The following TSEN15 variants were observed in gnomAD, a reference collection of about 807,000 sequenced individuals.
The protein encoded by TSEN15 is tRNA splicing endonuclease subunit 15, also known as tRNA-splicing endonuclease subunit Sen15.
A neutral mutation model predicts 20.5 loss-of-function variants in TSEN15; 10 were observed. That is an observed-to-expected ratio of 0.49 (90% confidence interval 0.30 to 0.83). The LOEUF is 0.83. Among genes scored for constraint, TSEN15 ranks in the 40% least tolerant of loss-of-function variants. The pLI is 0.06. For missense variants in TSEN15, 180 were observed against 218.6 expected, an observed-to-expected ratio of 0.82 and a Z score of 1.11; for synonymous variants, 72 against 80.1, an observed-to-expected ratio of 0.90 and a Z score of 0.54.
intron 3 of TSEN15, among the ~76,000 whole-genome samples, chr1:184,083,835 C>G (rs1322867945): frequency 6.6e-6 from 1 of 152,136 alleles, no homozygotes; most frequent in Non-Finnish European, 1.5e-5. Context: ...CCCTCTAGCT[C>G]TTTATTTTGG....
At chr1:184,057,880 C>T (rs144374093) in intron 3 of TSEN15, among the ~76,000 whole-genome samples, 3 of 152,114 alleles carry the variant, frequency 2.0e-5, no homozygotes, top group Non-Finnish European at 2.9e-5. Context: ...TAGTACTTTC[C>T]GGTTTTTACT....
downstream of TSEN15, among the ~76,000 whole-genome samples, chr1:184,075,843 A>G (rs1404109746): frequency 6.6e-6 from 1 of 151,496 alleles, no homozygotes; most frequent in Admixed American, 6.6e-5. Flanking sequence ...ATGTAGATCT[A>G]TATTTAGAAA....
intron 3 of TSEN15, among the ~76,000 whole-genome samples, chr1:184,083,813 C>T (rs1012680334): frequency 3.3e-5 from 5 of 152,184 alleles, no homozygotes; most frequent in African/African-American, 1.2e-4. Flanking sequence ...GGTGCAGATA[C>T]TATCTGTGAT....
At position 184,072,248 on chromosome 1, in the gene TSEN15, A is replaced by G. The variant is rs1266733785; in HGVS notation, c.445A>G (p.Thr149Ala). 1 of 1,613,568 alleles carries G rather than the reference A, an allele frequency of 6.2e-7. No homozygotes were observed. Among genetic ancestry groups the G allele is most frequent in the Non-Finnish European group, 8.5e-7 (1 of 1,179,698 alleles). The change falls in exon 4 of 5, where the codon ACA becomes GCA. Residue 149 changes from threonine to alanine, a missense_variant. By Grantham distance (58) the Thr-to-Ala change is moderately conservative. Around this residue, in one of 3 missense-constraint regions of TSEN15, gnomAD observed 28 missense variants for 28.7 expected, o/e 0.98. Coordinates refer to ENST00000645668, the MANE Select transcript of TSEN15 (RefSeq NM_052965.4). ...TTTGGCCATAGTGGAGTCTGATTCT[A>G]CAATAGTCTATTATAAACTTACTGA... ...FTLAIVESDS[T>A]IVYYKLTDGF...
At chr1:184,095,936 A>G (rs1007135233) in exon 4 of TSEN15, 1 of 390,698 alleles carries the variant, frequency 2.6e-6, no homozygotes, top group African/African-American at 2.1e-5. Flanking sequence ...AGATTCATTA[A>G]TTGTAATAAT....
At chr1:184,074,250 A>C (rs185724187), downstream of TSEN15, 202 of 152,324 alleles carry the variant, frequency 1.3e-3, 1 homozygote, top group African/African-American at 4.7e-3. Flanking sequence ...TATCATTGCA[A>C]AATAATATTA....
At chr1:184,091,621 C>T (rs1651359778) in intron 3 of TSEN15, among the ~76,000 whole-genome samples, 1 of 151,972 alleles carries the variant, frequency 6.6e-6, no homozygotes, top group Non-Finnish European at 1.5e-5. Context: ...TGTGTCACTC[C>T]TGGGGTAAAG....
At position 184,054,762 on chromosome 1, in the gene TSEN15, A is replaced by G; in HGVS notation, c.252A>G (p.Leu84=). The change falls in exon 3 of 5, where the codon TTA becomes TTG. Residue 84 remains leucine (L), a synonymous_variant. Transcript: ENST00000645668. ...GGCATGAAGTAAACTGTGTAGGATT[A>G]CCAGAACTCCAGCTCATCTGCCTTG... ...KSWHEVNCVG[L]PELQLICLVG... is the part of the protein sequence containing the mutation. The G allele has an allele frequency of 6.2e-7, 1 of 1,612,358 alleles. No homozygotes were observed. Among genetic ancestry groups the G allele is most frequent in the Non-Finnish European group, 8.5e-7 (1 of 1,179,792 alleles).
At chr1:184,070,272 GATT>G (rs1387814453) in intron 3 of TSEN15, among the ~76,000 whole-genome samples, 1 of 151,908 alleles carries the variant, frequency 6.6e-6, no homozygotes, top group African/African-American at 2.4e-5. Context: ...CACACCTTCT[GATT>G]TAAATAACAT....
At chr1:184,095,788 T>G (rs1651439201) in exon 4 of TSEN15, 1 of 398,508 alleles carries the variant, frequency 2.5e-6, no homozygotes, top group Non-Finnish European at 4.4e-6. Context: ...TTCCTGCACT[T>G]CGGTCTGGAT....
At chr1:184,093,819 A>G (rs1001633388) in intron 3 of TSEN15, 2 of 152,176 alleles carry the variant, frequency 1.3e-5, no homozygotes, top group African/African-American at 2.4e-5. Context: ...TATTGAGCCA[A>G]TTGCTTAAGT....
In TSEN15 at chr1:184,073,009, A is replaced by G. The variant is rs1471419079; in HGVS notation, c.*162A>G. The stretch of plus-strand genomic sequence containing the variant: ...TCTGAAGAGTAAAACTTCCCCAGGT[A>G]GAAGACTTTCTCCTTCTTAAAAAAT... On this transcript the variant is annotated 3_prime_UTR_variant, in exon 5 of 5. Transcript: ENST00000645668. The G allele has an allele frequency of 3.1e-6, 2 of 640,574 alleles. No homozygotes were observed. The highest frequency in any genetic ancestry group is 5.3e-6 in the Non-Finnish European group (2 of 377,544). The allele number at this position is 640,574 out of a possible 1,614,324, so 39.7% of individuals were successfully genotyped here. A position where few individuals can be genotyped will look rare whatever the true frequency, so the allele number is the denominator to read the frequency against.
chr1:184,064,780 C>A (rs1650586488), intron 3 of TSEN15, among the ~76,000 whole-genome samples: 1 of 152,148 alleles, frequency 6.6e-6, no homozygotes, highest in East Asian at 1.9e-4. Context: ...ATGTGCAAAT[C>A]TGTAAGGATA....
intron 3 of TSEN15, among the ~76,000 whole-genome samples, chr1:184,061,702 T>TA (rs1650462294): frequency 6.6e-6 from 1 of 152,182 alleles, no homozygotes; most frequent in Admixed American, 6.5e-5. Flanking sequence ...TCTGCCTCCT[T>TA]AAAAAGTAAT....
chr1:184,068,961 G>A (rs778668924), intron 3 of TSEN15, among the ~76,000 whole-genome samples: 13 of 152,066 alleles, frequency 8.5e-5, no homozygotes, highest in Admixed American at 6.6e-4. Flanking sequence ...AAAGTAATGC[G>A]GTCTTCAACT....
At chr1:184,075,228 A>T (rs1651035120), downstream of TSEN15, among the ~76,000 whole-genome samples, 1 of 152,090 alleles carries the variant, frequency 6.6e-6, no homozygotes, top group Non-Finnish European at 1.5e-5. Flanking sequence ...ACTCTATTTC[A>T]GAATGTTCCC....
intron 3 of TSEN15, among the ~76,000 whole-genome samples, chr1:184,069,559 A>T (rs1448688300): frequency 6.6e-6 from 1 of 152,114 alleles, no homozygotes; most frequent in Admixed American, 6.6e-5. Flanking sequence ...ATTAAGTGAG[A>T]TTATAGTATT....
intron 3 of TSEN15, among the ~76,000 whole-genome samples, chr1:184,086,025 C>A (rs1298804684): frequency 6.6e-6 from 1 of 152,130 alleles, no homozygotes; most frequent in Non-Finnish European, 1.5e-5. Context: ...GGGACATGAA[C>A]AATATCAACA....
In TSEN15 at chr1:184,057,575, G is replaced by A. The variant is rs147200289; in HGVS notation, c.353+2712G>A. ...TTAGCAACACACCTAATTTCTCTGG[G>A]TTTCAGTTTCCTCGTCTTATTTTGT... On this transcript the variant is annotated intron_variant, in intron 3 of 4. Transcript: ENST00000645668. Among the ~76,000 whole-genome samples the A allele has an allele frequency of 3.1e-3, 470 of 152,164 alleles. 2 individuals carry two copies. The highest frequency in any genetic ancestry group is 7.4e-3 in the African/African-American group (306 of 41,524).
Sources: allele counts gnomAD v4.1 joint callset (sites outside exome capture counted in the v4.1 genomes callset), GRCh38; gene constraint gnomAD v4.1.1; regional missense constraint gnomAD v4.1.1; transcripts MANE v1.5; gene names NCBI Gene and HGNC (gene_info 2026-07-23, HGNC 2026-07-21).